COX10: variants seen among roughly 807,000 people sequenced by gnomAD.
COX10 encodes cytochrome c oxidase assembly factor heme A:farnesyltransferase COX10, also known as protoheme IX farnesyltransferase, mitochondrial.
Under a neutral mutation model 37.3 loss-of-function variants are expected in COX10, and 27 were observed. The observed-to-expected ratio is 0.72, with a 90% CI of 0.53 to 1.00. COX10 has a LOEUF of 1.00. Among genes scored for constraint, COX10 ranks in the 50% least tolerant of loss-of-function variants. The pLI, the probability that COX10 is intolerant of heterozygous loss-of-function variation, is 0.00. For synonymous variants in COX10, 222 were observed against 229.1 expected (o/e 0.97, Z 0.28); for missense variants, 475 against 563.2 (o/e 0.84, Z 1.59).
intron 4 of COX10, among the ~76,000 whole-genome samples, chr17:14,147,491 C>A (rs1428194650): frequency 6.6e-6 from 1 of 151,934 alleles, no homozygotes; most frequent in Non-Finnish European, 1.5e-5. Flanking sequence ...GGACGGTTAC[C>A]AGAGGCTGGG....
chr17:14,164,325 G>A (rs774656216), intron 5 of COX10, among the ~76,000 whole-genome samples: 88 of 152,090 alleles, frequency 5.8e-4, no homozygotes, highest in African/African-American at 2.0e-3. Context: ...TATGAATAAG[G>A]TTTGTCTGCT....
chr17:14,141,552 A>AAAG (rs1214927298), intron 4 of COX10, among the ~76,000 whole-genome samples: 1 of 151,038 alleles, frequency 6.6e-6, no homozygotes, highest in Admixed American at 6.6e-5. Context: ...AAAAAAAAAA[A>AAAG]AAGAAGACTA....
At chr17:14,108,293 G>A (rs1410871374) in intron 4 of COX10, among the ~76,000 whole-genome samples, 2 of 152,122 alleles carry the variant, frequency 1.3e-5, no homozygotes, top group Non-Finnish European at 2.9e-5. Context: ...ACATACATTA[G>A]ATCATTTGTT....
Position 14,206,752 on chromosome 17 carries a change from T to C in COX10, c.929-58T>C, listed in dbSNP as rs76150682. The C allele has an allele frequency of 4.9e-4, 785 of 1,607,406 alleles. 3 individuals carry two copies. In the African/African-American group the frequency reaches 8.8e-3, roughly 18 times the overall value. On this transcript the variant is annotated intron_variant, in intron 6 of 6. Transcript: ENST00000261643. ...TCTCCCAGGAGAGGAAACCATTCTT[T>C]GGAAATCTCTGGTGATGACTGCCTT...
chr17:14,105,327 TA>T (rs1915867285), intron 4 of COX10, among the ~76,000 whole-genome samples: 2 of 152,178 alleles, frequency 1.3e-5, no homozygotes, highest in Non-Finnish European at 2.9e-5. Context: ...TTTGCTTCTA[TA>T]AGTAACACTG....
intron 5 of COX10, among the ~76,000 whole-genome samples, chr17:14,184,695 C>G (rs1403644859): frequency 6.6e-6 from 1 of 152,236 alleles, no homozygotes; most frequent in African/African-American, 2.4e-5. Flanking sequence ...GCCCTCTGTT[C>G]TTCCACTAGA....
At chr17:14,191,384 C>T (rs1456481674) in intron 5 of COX10, among the ~76,000 whole-genome samples, 2 of 150,934 alleles carry the variant, frequency 1.3e-5, no homozygotes, top group Non-Finnish European at 3.0e-5. Flanking sequence ...TTGTCAGGAA[C>T]CGGTAGCATG....
chr17:14,105,270 A>G (rs149441317), intron 4 of COX10, among the ~76,000 whole-genome samples: 2 of 152,234 alleles, frequency 1.3e-5, no homozygotes, highest in East Asian at 3.9e-4. Flanking sequence ...ATTCCATTTT[A>G]TGGATATGCC....
chr17:14,171,520 G>C lies in COX10; in HGVS notation c.695+11573G>C, dbSNP rs202207269. ...CAAGGACAGGCCCAGTGTGACGTGG[G>C]AGCACAAAGAGAAGTATCTACCTCA... On this transcript the variant is annotated intron_variant, in intron 5 of 6. Coordinates refer to ENST00000261643, the MANE Select transcript of COX10 (RefSeq NM_001303.4). 4.2e-4 allele frequency among the ~76,000 whole-genome samples: 63 copies of C among 151,718 alleles called. 1 individual carries two copies. The East Asian group carries it at 0.01, about 25-fold the overall frequency.
At chr17:14,143,491 G>A (rs969175954) in intron 4 of COX10, among the ~76,000 whole-genome samples, 2 of 152,056 alleles carry the variant, frequency 1.3e-5, no homozygotes, top group Non-Finnish European at 2.9e-5. Flanking sequence ...CACTATAATT[G>A]CTTGTACTCC....
chr17:14,086,472 A>G (rs1915412161), intron 3 of COX10, among the ~76,000 whole-genome samples: 1 of 152,086 alleles, frequency 6.6e-6, no homozygotes, highest in African/African-American at 2.4e-5. Context: ...TTTAATTGGG[A>G]TTTCAATGTT....
At chr17:14,161,488 G>A (rs986994623) in intron 5 of COX10, among the ~76,000 whole-genome samples, 6 of 152,174 alleles carry the variant, frequency 3.9e-5, no homozygotes, top group Non-Finnish European at 8.8e-5. Flanking sequence ...AGCTTGACTA[G>A]ATTGAAGAAT....
chr17:14,133,493 C>G (rs994432319), intron 4 of COX10, among the ~76,000 whole-genome samples: 2 of 150,884 alleles, frequency 1.3e-5, no homozygotes, highest in African/African-American at 2.4e-5. Flanking sequence ...TTTGCATGAC[C>G]CATAGTAGCT....
rs77193484 is a variant in COX10 at position 14,150,226 on chromosome 17, T to G, written c.625-9651T>G. On this transcript the variant is annotated intron_variant, in intron 4 of 6. Coordinates refer to ENST00000261643, the MANE Select transcript of COX10 (RefSeq NM_001303.4). Reference sequence around the variant, plus strand: ...ATGCAGAGGTTGCAGCCACCCGTGATTGTGCCACTGTATTTAGCCTGGGCA... The same window carrying G: ...ATGCAGAGGTTGCAGCCACCCGTGAGTGTGCCACTGTATTTAGCCTGGGCA... Among the ~76,000 whole-genome samples, 1,323 of 151,998 alleles carry G rather than the reference T, an allele frequency of 8.7e-3. 60 individuals are homozygous for G. The East Asian group carries it at 0.094, about 11-fold the overall frequency.
intron 5 of COX10, among the ~76,000 whole-genome samples, chr17:14,165,271 G>A (rs575358321): frequency 6.6e-6 from 1 of 152,272 alleles, no homozygotes; most frequent in South Asian, 2.1e-4. Flanking sequence ...TTGAAGGCCT[G>A]TGGTAAACCT....
At chr17:14,070,992 G>T (rs946901522) in intron 1 of COX10, among the ~76,000 whole-genome samples, 6 of 152,136 alleles carry the variant, frequency 3.9e-5, no homozygotes, top group Non-Finnish European at 8.8e-5. Context: ...TTTACACATG[G>T]CTGTGATTTT....
chr17:14,102,637 G>A (rs1915810693), intron 4 of COX10, among the ~76,000 whole-genome samples: 1 of 151,736 alleles, frequency 6.6e-6, no homozygotes, highest in Non-Finnish European at 1.5e-5. Context: ...ATAAAGAACA[G>A]AATATATTTT....
At chr17:14,166,973 G>A (rs1231724816) in intron 5 of COX10, among the ~76,000 whole-genome samples, 2 of 151,920 alleles carry the variant, frequency 1.3e-5, no homozygotes, top group African/African-American at 4.8e-5. Context: ...GCCATAGATC[G>A]TGATTCCTCT....
At chr17:14,088,924 A>G (rs1915469985) in intron 3 of COX10, among the ~76,000 whole-genome samples, 1 of 152,206 alleles carries the variant, frequency 6.6e-6, no homozygotes, top group African/African-American at 2.4e-5. Context: ...GGAAAGGCAG[A>G]AACCTCCTTA....
Sources: gnomAD v4.1 joint callset for allele counts (sites outside exome capture counted in the v4.1 genomes callset) on GRCh38, gnomAD v4.1.1 for gene constraint, MANE v1.5 for transcripts, NCBI Gene and HGNC (gene_info 2026-07-23, HGNC 2026-07-21) for gene names.